Variants in CAP2 observed in about 807,000 individuals in gnomAD.
CAP2 encodes cyclase associated actin cytoskeleton regulatory protein 2.
CAP2 carries 24 observed loss-of-function variants against 57.7 expected under a neutral mutation model. That is an observed-to-expected ratio of 0.42 (90% CI 0.30 to 0.58). CAP2 has a LOEUF of 0.58. CAP2 is among the 20% of genes least tolerant of loss of function. The pLI, the probability that CAP2 is intolerant of heterozygous loss-of-function variation, is 0.22. For synonymous variants in CAP2, 194 were observed against 207.2 expected (o/e 0.94, Z 0.55); for missense variants, 501 against 590.3 (o/e 0.85, Z 1.57).
chr6:17,415,236 A>G (rs559205386), intron 1 of CAP2, among the ~76,000 whole-genome samples: 2 of 152,300 alleles, frequency 1.3e-5, no homozygotes, highest in East Asian at 3.9e-4. Context: ...TCTTTTATTA[A>G]CATGAAAATG....
intron 4 of CAP2, among the ~76,000 whole-genome samples, chr6:17,468,064 A>G (rs1327412179): frequency 6.6e-6 from 1 of 152,122 alleles, no homozygotes; most frequent in Non-Finnish European, 1.5e-5. Context: ...AGAACATGCA[A>G]TGTTTGCCTT....
intron 4 of CAP2, among the ~76,000 whole-genome samples, chr6:17,498,776 T>A (rs1761729464): frequency 6.6e-6 from 1 of 152,128 alleles, no homozygotes; most frequent in Admixed American, 6.6e-5. Flanking sequence ...TCGCCCAGGC[T>A]GGAGTGCAGT....
At chr6:17,422,453 G>A (rs939583658) in intron 2 of CAP2, among the ~76,000 whole-genome samples, 2 of 148,618 alleles carry the variant, frequency 1.3e-5, no homozygotes, top group African/African-American at 2.5e-5. Flanking sequence ...AGATTCAAGC[G>A]ATTCTCTTGC....
intron 11 of CAP2, among the ~76,000 whole-genome samples, chr6:17,549,801 A>G (rs1202184380): frequency 6.6e-6 from 1 of 152,230 alleles, no homozygotes; most frequent in African/African-American, 2.4e-5. Context: ...ACCCTGATAC[A>G]TCAGTGTTGG....
chr6:17,419,866 T>A (rs1233488863), intron 1 of CAP2, among the ~76,000 whole-genome samples: 4 of 151,702 alleles, frequency 2.6e-5, no homozygotes, highest in African/African-American at 9.7e-5. Context: ...TTATTTTTAT[T>A]ATTTTATTTT....
In CAP2 at chr6:17,531,750, C is replaced by A. The variant is rs560881896; in HGVS notation, c.637-7519C>A. The A allele has an allele frequency of 1.1e-3, 645 of 595,158 alleles. 1 individual carries two copies. The highest frequency in any genetic ancestry group is 1.4e-3 in the Non-Finnish European group (485 of 337,930). The allele number at this position is 595,158 out of a possible 1,614,324, so 36.9% of individuals were successfully genotyped here. A position where few individuals can be genotyped will look rare whatever the true frequency, so the allele number is the denominator to read the frequency against. ...TCAATGTCGTCTATATACATTCCCC[C>A]CATGCTTAAAGCCCTTCAGCTTCTC... On this transcript the variant is annotated intron_variant, in intron 7 of 12. Coordinates refer to ENST00000229922, the MANE Select transcript of CAP2 (RefSeq NM_006366.3).
At chr6:17,414,698 A>G (rs1397924613) in intron 1 of CAP2, among the ~76,000 whole-genome samples, 1 of 152,210 alleles carries the variant, frequency 6.6e-6, no homozygotes, top group Non-Finnish European at 1.5e-5. Context: ...TATTGTAAAT[A>G]GTGCTGCAAT....
intron 9 of CAP2, 124 bp from the exon 10 acceptor site, chr6:17,542,713 G>A (rs1762933826): frequency 2.6e-6 from 2 of 770,674 alleles, no homozygotes; most frequent in African/African-American, 3.5e-5. Flanking sequence ...CATCTATAAG[G>A]AGATGGTTCC....
intron 7 of CAP2, among the ~76,000 whole-genome samples, chr6:17,534,971 G>A (rs1394222735): frequency 6.6e-6 from 1 of 152,114 alleles, no homozygotes; most frequent in South Asian, 2.1e-4. Context: ...CCAGGCAAGA[G>A]GCCAGTTTCT....
intron 1 of CAP2, among the ~76,000 whole-genome samples, chr6:17,401,272 A>T (rs932590009): frequency 6.6e-6 from 1 of 152,222 alleles, no homozygotes; most frequent in Non-Finnish European, 1.5e-5. Context: ...CCAAGTAAGG[A>T]CACAGCAAGA....
At chr6:17,395,108 A>T (rs1405553448) in intron 1 of CAP2, among the ~76,000 whole-genome samples, 3 of 152,216 alleles carry the variant, frequency 2.0e-5, no homozygotes, top group African/African-American at 7.2e-5. Context: ...GAAATCAGGA[A>T]GGTGATTATC....
intron 1 of CAP2, among the ~76,000 whole-genome samples, chr6:17,402,219 A>G (rs1390719324): frequency 6.6e-6 from 1 of 152,116 alleles, no homozygotes; most frequent in African/African-American, 2.4e-5. Context: ...CTTTTCCATA[A>G]TCACCTTCCT....
In CAP2 at chr6:17,525,150, G is replaced by A. The variant is rs182359497; in HGVS notation, c.636+11196G>A. On this transcript the variant is annotated intron_variant, in intron 7 of 12. Transcript: ENST00000229922. ...AATCCTAACCTCAGGTGATCCTCCC[G>A]CCTTGGCCTCCCAAAGTGCTGGGAT... Among the ~76,000 whole-genome samples the A allele has an allele frequency of 4.9e-3, 743 of 151,962 alleles. 1 individual carries two copies. The highest frequency in any genetic ancestry group is 7.8e-3 in the Non-Finnish European group (532 of 67,962).
At position 17,513,978 on chromosome 6, in the gene CAP2, G is replaced by A. The variant is rs764114612; in HGVS notation, c.636+24G>A. On this transcript the variant is annotated intron_variant, in intron 7 of 12. Coordinates refer to ENST00000229922, the MANE Select transcript of CAP2 (RefSeq NM_006366.3). The surrounding 1 kb of genome is among the most constrained non-coding windows in gnomAD (Gnocchi z 4.3). ...CAGTGAGTACGAGGCCTTCCTCCAC[G>A]TGTGTAAAAAAAGGCCATGACTATA... 1.6e-5 allele frequency: 23 copies of A among 1,431,070 alleles called. No individual in the cohort carries two copies. The highest frequency in any genetic ancestry group is 1.8e-4 in the Middle Eastern group (1 of 5,684). The allele number at this position is 1,431,070 out of a possible 1,614,324, so 88.6% of individuals were successfully genotyped here. A position where few individuals can be genotyped will look rare whatever the true frequency, so the allele number is the denominator to read the frequency against.
In CAP2 at chr6:17,426,703, C is replaced by T. The variant is rs765670280; in HGVS notation, c.222+13C>T. ...CGTGGAGACCCATGTAAGTACTTTC[C>T]TCCCCTGTTCTCAGTAGAGAGTTTA... On this transcript the variant is annotated intron_variant, in intron 3 of 12. Coordinates refer to ENST00000229922, the MANE Select transcript of CAP2 (RefSeq NM_006366.3). 1 of 1,559,968 alleles carries T rather than the reference C, an allele frequency of 6.4e-7. No homozygotes were observed. The highest frequency in any genetic ancestry group is 1.1e-5 in the South Asian group (1 of 89,972).
At chr6:17,519,040 G>T (rs993572357) in intron 7 of CAP2, among the ~76,000 whole-genome samples, 6 of 152,126 alleles carry the variant, frequency 3.9e-5, no homozygotes, top group Non-Finnish European at 8.8e-5. Context: ...AACATCTCAA[G>T]TACTTTCAGT....
intron 7 of CAP2, among the ~76,000 whole-genome samples, chr6:17,536,681 A>G (rs1467323496): frequency 1.3e-5 from 2 of 152,186 alleles, no homozygotes; most frequent in African/African-American, 2.4e-5. Context: ...TAAGATTTAG[A>G]AGCCAGCATC....
chr6:17,471,266 T>G (rs1035240913), intron 4 of CAP2, among the ~76,000 whole-genome samples: 60 of 152,366 alleles, frequency 3.9e-4, no homozygotes, highest in African/African-American at 1.0e-3. Context: ...CCTGAAAGAT[T>G]TGGCCATGAT....
chr6:17,531,728 A>G (rs1213008179), intron 7 of CAP2: 22 of 617,172 alleles, frequency 3.6e-5, no homozygotes, highest in Admixed American at 2.9e-5. Flanking sequence ...TTGGAGATCA[A>G]TGTCGTCTAT....
Sources: gnomAD v4.1 joint callset for allele counts (sites outside exome capture counted in the v4.1 genomes callset) on GRCh38, gnomAD v4.1.1 for gene constraint, Gnocchi (gnomAD v3.1) non-coding constraint, MANE v1.5 for transcripts, NCBI Gene and HGNC (gene_info 2026-07-23, HGNC 2026-07-21) for gene names.